The following FAAH2 variants were observed in gnomAD, a reference collection of about 807,000 sequenced individuals.
The protein encoded by FAAH2 is fatty-acid amide hydrolase 2.
A neutral mutation model predicts 36.9 loss-of-function variants in FAAH2; 60 were observed. That is an observed-to-expected ratio of 1.63 (90% CI 1.32 to 2.02). The LOEUF (loss-of-function observed/expected upper bound fraction) is 2.02. Ranked by LOEUF, FAAH2 falls within the 30% of genes most tolerant of loss-of-function variation. FAAH2 has a pLI of 0.00. For missense variants in FAAH2, 689 were observed against 397.5 expected (o/e 1.73, Z -6.23); for synonymous variants, 214 against 143.8 (o/e 1.49, Z -3.49).
chrX:57,394,319 C>A (rs1220708033), intron 7 of FAAH2: 2 of 1,058,349 alleles, frequency 1.9e-6, no homozygotes, highest in Non-Finnish European at 2.6e-6. Flanking sequence ...TGGAGTTATT[C>A]CAGTCACCAC....
chrX:57,235,269 T>C, the FAAH2 span, among the ~76,000 whole-genome samples: 3 of 111,529 alleles, frequency 2.7e-5, no homozygotes, highest in Non-Finnish European at 3.8e-5. Flanking sequence ...GTTTGTTCAG[T>C]TGCTAGAGAA....
intron 3 of FAAH2, among the ~76,000 whole-genome samples, chrX:57,316,281 TTGA>T (rs1322208221): frequency 8.9e-6 from 1 of 111,753 alleles, no homozygotes; most frequent in Non-Finnish European, 1.9e-5. Flanking sequence ...AAAATCAGTA[TTGA>T]TGAAATCGCC....
the FAAH2 span, among the ~76,000 whole-genome samples, chrX:57,173,512 A>G: frequency 1.8e-5 from 2 of 111,917 alleles, no homozygotes; most frequent in African/African-American, 3.2e-5. Flanking sequence ...ATAAGATTAT[A>G]TTATCAGCAA....
the FAAH2 span, among the ~76,000 whole-genome samples, chrX:57,194,976 A>T: frequency 0.46 from 50,119 of 109,675 alleles, 11,415 homozygotes; most frequent in African/African-American, 0.89. Context: ...TGTGTGTGTA[A>T]GTGTGTATAT....
At chrX:57,253,470 A>T in the FAAH2 span, among the ~76,000 whole-genome samples, 8 of 111,711 alleles carry the variant, frequency 7.2e-5, no homozygotes, top group Non-Finnish European at 1.3e-4. Flanking sequence ...ATAATTGTCA[A>T]ATTCACCAAG....
the FAAH2 span, among the ~76,000 whole-genome samples, chrX:57,184,645 CA>C: frequency 1.9e-4 from 21 of 112,190 alleles, no homozygotes; most frequent in African/African-American, 6.5e-4. Context: ...AAAAGTAAAC[CA>C]AGTTGAAATA....
At chrX:57,395,721 A>C in intron 7 of FAAH2, among the ~76,000 whole-genome samples, 1 of 111,775 alleles carries the variant, frequency 8.9e-6, no homozygotes, top group East Asian at 2.8e-4. Flanking sequence ...TCAAACCCAC[A>C]TGGCTTGATG....
At chrX:57,206,141 T>C in the FAAH2 span, among the ~76,000 whole-genome samples, 1 of 112,076 alleles carries the variant, frequency 8.9e-6, no homozygotes, top group Admixed American at 9.5e-5. Context: ...GCTGCAGCTC[T>C]GCCTCAGCTT....
intron 2 of FAAH2, among the ~76,000 whole-genome samples, chrX:57,295,194 C>A (rs142422176): frequency 6.1e-4 from 68 of 111,827 alleles, no homozygotes; most frequent in African/African-American, 1.7e-3. Context: ...CAGCTGCCAG[C>A]TGACTGGTGC....
chrX:57,276,999 A>T, the FAAH2 span, among the ~76,000 whole-genome samples: 55 of 111,290 alleles, frequency 4.9e-4, no homozygotes, highest in African/African-American at 1.6e-3. Flanking sequence ...CAGAGGTACA[A>T]AGAGGAGCTG....
At chrX:57,465,954 T>A (rs186240428) in intron 10 of FAAH2, among the ~76,000 whole-genome samples, 1 of 109,243 alleles carries the variant, frequency 9.2e-6, no homozygotes, top group African/African-American at 3.3e-5. Context: ...CACTCAACCA[T>A]AACTGAAATC....
the FAAH2 span, among the ~76,000 whole-genome samples, chrX:57,124,075 T>G: frequency 1.3e-4 from 15 of 111,573 alleles, no homozygotes; most frequent in Non-Finnish European, 1.9e-4. Flanking sequence ...TGAAGTCCTT[T>G]CCCATGCCTA....
At chrX:57,466,607 A>G (rs1602757533) in intron 10 of FAAH2, among the ~76,000 whole-genome samples, 3 of 110,831 alleles carry the variant, frequency 2.7e-5, no homozygotes, top group East Asian at 5.7e-4. Flanking sequence ...GGCTGGATGC[A>G]AAAAATCAAG....
At chrX:57,378,834 TTC>T (rs1291674117) in intron 6 of FAAH2, 48 bp downstream of exon 6, 3 of 1,156,262 alleles carry the variant, frequency 2.6e-6, no homozygotes, top group Admixed American at 5.2e-5. Flanking sequence ...CTGACATTCA[TTC>T]TCTCTTTGTT....
Position 57,424,330 on chromosome X carries a change from C to A in FAAH2, c.997-7588C>A, listed in dbSNP as rs140305738. On this transcript the variant is annotated intron_variant, in intron 7 of 10. Coordinates refer to ENST00000374900, the MANE Select transcript of FAAH2 (RefSeq NM_174912.4). Reference sequence around the variant, plus strand: ...GGGCATTTCACAGACTACTCCATTGCTTGAGGCACAGGAGATCTTCTCCGT... The same window carrying A: ...GGGCATTTCACAGACTACTCCATTGATTGAGGCACAGGAGATCTTCTCCGT... 5.6e-3 allele frequency among the ~76,000 whole-genome samples: 624 copies of A among 111,830 alleles called. 5 individuals are homozygous for A. The highest frequency in any genetic ancestry group is 0.02 in the African/African-American group (603 of 30,746).
chrX:57,318,434 C>A (rs966580973), intron 3 of FAAH2, among the ~76,000 whole-genome samples: 4 of 111,534 alleles, frequency 3.6e-5, no homozygotes, highest in Non-Finnish European at 5.7e-5. Context: ...GGAAAAATTC[C>A]TGGACAGATA....
the FAAH2 span, among the ~76,000 whole-genome samples, chrX:57,138,886 T>G: frequency 8.9e-6 from 1 of 112,185 alleles, no homozygotes; most frequent in African/African-American, 3.2e-5. Context: ...ACTCAGCTCT[T>G]TTGCCCATTT....
At chrX:57,231,066 T>TGA in the FAAH2 span, among the ~76,000 whole-genome samples, 2 of 108,446 alleles carry the variant, frequency 1.8e-5, no homozygotes, top group Non-Finnish European at 3.8e-5. Context: ...TGTGTGTGTG[T>TGA]GAGTGTGTGT....
the FAAH2 span, among the ~76,000 whole-genome samples, chrX:57,172,608 T>C: frequency 0.042 from 4,700 of 112,262 alleles, 109 homozygotes; most frequent in Non-Finnish European, 0.066. Context: ...ACTAGAAGAA[T>C]TGAATCACAC....
Sources: allele counts gnomAD v4.1 joint callset (sites outside exome capture counted in the v4.1 genomes callset), GRCh38; gene constraint gnomAD v4.1.1; transcripts MANE v1.5; gene names NCBI Gene and HGNC (gene_info 2026-07-23, HGNC 2026-07-21).